The following MYO10 variants were observed in gnomAD, a reference collection of about 807,000 sequenced individuals.
MYO10 encodes the protein myosin X, also known as unconventional myosin-X.
MYO10 carries 133 observed loss-of-function variants against 257.3 expected under a neutral mutation model. That is an observed-to-expected ratio of 0.52 (90% CI 0.45 to 0.60). The LOEUF is 0.60. Ranked by LOEUF, MYO10 falls within the 20% of genes least tolerant of loss-of-function variation. MYO10 has a pLI of 0.00. For synonymous variants in MYO10, 1,104 were observed against 1,028.6 expected, an observed-to-expected ratio of 1.07 and a Z score of -1.40; for missense variants, 2,399 against 2,635.7, an observed-to-expected ratio of 0.91 and a Z score of 1.97.
intron 1 of MYO10, among the ~76,000 whole-genome samples, chr5:16,918,361 A>G (rs1041291052): frequency 6.6e-6 from 1 of 152,136 alleles, no homozygotes; most frequent in African/African-American, 2.4e-5. Flanking sequence ...CTTTCCCTCA[A>G]TATTGCTTCA....
intron 30 of MYO10, 35 bp downstream of exon 30, chr5:16,683,845 G>A (rs756376714): frequency 1.2e-6 from 2 of 1,607,228 alleles, no homozygotes; most frequent in Non-Finnish European, 1.7e-6. Context: ...CACAGGTGAT[G>A]AGCTGTTTTT....
chr5:16,791,263 A>C (rs1021987614), intron 4 of MYO10, among the ~76,000 whole-genome samples: 1 of 152,202 alleles, frequency 6.6e-6, no homozygotes, highest in Non-Finnish European at 1.5e-5. Context: ...CAGGGCTCCT[A>C]CGTCCAGCAA....
Position 16,757,143 on chromosome 5 carries a change from A to G in MYO10, c.1848+975T>C, listed in dbSNP as rs557006921. Among the ~76,000 whole-genome samples the G allele has an allele frequency of 9.6e-4, 141 of 146,190 alleles. 1 individual carries two copies. The highest frequency in any genetic ancestry group is 3.6e-3 in the African/African-American group (139 of 38,672). On this transcript the variant is annotated intron_variant, in intron 18 of 40. Coordinates refer to ENST00000513610, the MANE Select transcript of MYO10 (RefSeq NM_012334.3). ...TTAAAAAAAAAAAAAAAAAAAAAAA[A>G]GTCGGGTGTAGTGGCTTACACCTGT...
chr5:16,818,129 C>T lies in MYO10; in HGVS notation c.159G>A (p.Lys53=), dbSNP rs1271691949. Residue 53 remains lysine, a synonymous_variant, in exon 3 of 41, where the codon AAG becomes AAA. Transcript: ENST00000513610. ...TYKQSTITHQ[K]VTAMHPTNEE... is the part of the protein sequence containing the mutation. ...CGTTCGTGGGGTGCATAGCAGTCACCTTCTGGTGGGTAATTGTGCTCTGCT... is the reference window on the plus strand; with the variant it reads ...CGTTCGTGGGGTGCATAGCAGTCACTTTCTGGTGGGTAATTGTGCTCTGCT... 6.2e-7 allele frequency: 1 copy of T among 1,605,694 alleles called. No homozygotes were observed. The highest frequency in any genetic ancestry group is 1.3e-5 in the African/African-American group (1 of 74,738).
intron 1 of MYO10, among the ~76,000 whole-genome samples, chr5:16,911,424 C>A (rs570391054): frequency 3.2e-4 from 49 of 152,228 alleles, no homozygotes; most frequent in African/African-American, 1.2e-3. Flanking sequence ...CAAATTTGTA[C>A]ATTTTCTTAA....
At chr5:16,817,926 G>A (rs530947435) in intron 3 of MYO10, 83 bp downstream of exon 3, 1 of 1,148,444 alleles carries the variant, frequency 8.7e-7, no homozygotes, top group African/African-American at 1.6e-5. Flanking sequence ...ATTCTCAAAA[G>A]GCAAGAAATA....
chr5:16,881,142 C>A (rs1308535346), intron 1 of MYO10, among the ~76,000 whole-genome samples: 1 of 152,184 alleles, frequency 6.6e-6, no homozygotes. Context: ...TTGTGACCAT[C>A]ACTAGCATTG....
Position 16,820,594 on chromosome 5 carries a change from C to T in MYO10, c.121-2427G>A, listed in dbSNP as rs543610812. 1.2e-3 allele frequency among the ~76,000 whole-genome samples: 190 copies of T among 152,264 alleles called. 1 individual carries two copies. The highest frequency in any genetic ancestry group is 1.9e-3 in the Non-Finnish European group (130 of 68,020). ...GCACTGAAGCCAGCACAACTATCTC[C>T]CTCTCCAGCCCCTGCAAACTCACCA... On this transcript the variant is annotated intron_variant, in intron 2 of 40. Coordinates refer to ENST00000513610, the MANE Select transcript of MYO10 (RefSeq NM_012334.3).
chr5:16,910,954 AAT>A (rs140982540), intron 1 of MYO10, among the ~76,000 whole-genome samples: 5,159 of 152,076 alleles, frequency 0.034, 251 homozygotes, highest in African/African-American at 0.11. Flanking sequence ...ACAGCTCTTA[AAT>A]AAAAAAAAAG....
At position 16,791,634 on chromosome 5, in the gene MYO10, A is replaced by G. The variant is rs984184312; in HGVS notation, c.467+3012T>C. Among the ~76,000 whole-genome samples the G allele has an allele frequency of 9.2e-5, 14 of 152,252 alleles. No homozygotes were observed. In the East Asian group the frequency reaches 2.5e-3, roughly 27 times the overall value. ...AGCGGCTCTGTCTAGCAAATGATAT[A>G]TTAGTCATGCTCTCATTTTTTCCAC... On this transcript the variant is annotated intron_variant, in intron 4 of 40. Transcript: ENST00000513610.
chr5:16,716,996 C>A (rs745622496), intron 19 of MYO10, among the ~76,000 whole-genome samples: 1 of 152,096 alleles, frequency 6.6e-6, no homozygotes, highest in Admixed American at 6.6e-5. Flanking sequence ...TGTCACCACA[C>A]CTGGCTAATT....
intron 1 of MYO10, among the ~76,000 whole-genome samples, chr5:16,912,077 A>T (rs1745674050): frequency 6.6e-6 from 1 of 150,408 alleles, no homozygotes; most frequent in Admixed American, 6.6e-5. Flanking sequence ...GTTTGTTTTT[A>T]AGCTCATCAG....
Position 16,666,384 on chromosome 5 carries a change from C to A in MYO10, c.*308G>T. 3.3e-6 allele frequency: 1 copy of A among 300,966 alleles called. No homozygotes were observed. 18.6% of individuals were successfully genotyped at this position (300,966 alleles called of 1,614,324 possible). ...CAGTTACGGTCGATTAGTGTTGGTT[C>A]CACAAGTTAAGGCACTTCCGGCTGC... On this transcript the variant is annotated 3_prime_UTR_variant, in exon 41 of 41. Coordinates refer to ENST00000513610, the MANE Select transcript of MYO10 (RefSeq NM_012334.3).
At chr5:16,765,393 C>G (rs986010475) in intron 11 of MYO10, among the ~76,000 whole-genome samples, 11 of 152,188 alleles carry the variant, frequency 7.2e-5, no homozygotes, top group Admixed American at 4.6e-4. Flanking sequence ...TTTTGGGACT[C>G]AGACTGGCTC....
intron 3 of MYO10, among the ~76,000 whole-genome samples, chr5:16,809,782 T>C (rs1199856880): frequency 6.6e-6 from 1 of 152,226 alleles, no homozygotes; most frequent in Non-Finnish European, 1.5e-5. Context: ...CCTTTGATTC[T>C]GATCTCTGTG....
intron 2 of MYO10, among the ~76,000 whole-genome samples, chr5:16,825,003 T>C (rs1742958793): frequency 6.6e-6 from 1 of 152,224 alleles, no homozygotes; most frequent in Admixed American, 6.5e-5. Context: ...TGACCCAAGT[T>C]AAGGAGGAGG....
chr5:16,707,069 C>T (rs562959431), intron 21 of MYO10, among the ~76,000 whole-genome samples: 1 of 152,178 alleles, frequency 6.6e-6, no homozygotes, highest in Non-Finnish European at 1.5e-5. Flanking sequence ...GTGAATAAGT[C>T]TCATGGGATC....
chr5:16,910,495 A>C (rs1379845769), intron 1 of MYO10, among the ~76,000 whole-genome samples: 1 of 152,206 alleles, frequency 6.6e-6, no homozygotes, highest in Non-Finnish European at 1.5e-5. Context: ...AGTTGGAAGG[A>C]CCACGTGAAA....
At chr5:16,850,054 C>T (rs1031323040) in intron 2 of MYO10, among the ~76,000 whole-genome samples, 1 of 152,140 alleles carries the variant, frequency 6.6e-6, no homozygotes, top group Non-Finnish European at 1.5e-5. Context: ...ACTTTAGACC[C>T]GGAATTTCTA....
Sources: allele counts gnomAD v4.1 joint callset (sites outside exome capture counted in the v4.1 genomes callset), GRCh38; gene constraint gnomAD v4.1.1; transcripts MANE v1.5; gene names NCBI Gene and HGNC (gene_info 2026-07-23, HGNC 2026-07-21).